LINGO2: variants seen among roughly 807,000 people sequenced by gnomAD.
LINGO2 encodes leucine rich repeat and Ig domain containing 2.
LINGO2 carries 14 observed loss-of-function variants against 30.6 expected under a neutral mutation model. The observed-to-expected ratio is 0.46, with a 90% CI of 0.30 to 0.72. The LOEUF (loss-of-function observed/expected upper bound fraction) is 0.72. Among genes scored for constraint, LINGO2 ranks in the 30% least tolerant of loss-of-function variants. The pLI is 0.07. For missense variants in LINGO2, 729 were observed against 751.7 expected (o/e 0.97, Z 0.35); for synonymous variants, 317 against 288.5 (o/e 1.10, Z -1.00).
chr9:29,090,848 T>C, the LINGO2 span, among the ~76,000 whole-genome samples: 1 of 152,008 alleles, frequency 6.6e-6, no homozygotes, highest in Non-Finnish European at 1.5e-5. Context: ...ATATCAACAT[T>C]TTCTATTATG....
At chr9:28,898,408 T>C in the LINGO2 span, among the ~76,000 whole-genome samples, 1 of 152,126 alleles carries the variant, frequency 6.6e-6, no homozygotes, top group Non-Finnish European at 1.5e-5. Context: ...ACTCAGAATT[T>C]AAATTTGACA....
the LINGO2 span, among the ~76,000 whole-genome samples, chr9:29,142,133 C>T: frequency 7.2e-5 from 11 of 151,782 alleles, no homozygotes; most frequent in Admixed American, 3.9e-4. Flanking sequence ...GGAACATTCT[C>T]CAGGATAAAT....
intron 4 of LINGO2, among the ~76,000 whole-genome samples, chr9:28,065,840 T>C (rs1209723676): frequency 2.0e-5 from 3 of 152,080 alleles, no homozygotes; most frequent in African/African-American, 4.8e-5. Flanking sequence ...GCATTGGTGA[T>C]AACAAAGAAA....
At chr9:28,802,797 T>C in the LINGO2 span, among the ~76,000 whole-genome samples, 1 of 152,078 alleles carries the variant, frequency 6.6e-6, no homozygotes. Context: ...TTGTATCTCC[T>C]CTTCTTTCAA....
the LINGO2 span, among the ~76,000 whole-genome samples, chr9:28,731,233 C>T: frequency 6.6e-6 from 1 of 152,108 alleles, no homozygotes; most frequent in Non-Finnish European, 1.5e-5. Flanking sequence ...AGGCGATCCA[C>T]CCGCCTCGGC....
intron 1 of LINGO2, among the ~76,000 whole-genome samples, chr9:28,484,925 A>G (rs1826113969): frequency 6.6e-6 from 1 of 152,058 alleles, no homozygotes; most frequent in Non-Finnish European, 1.5e-5. Context: ...GAACTCTTAG[A>G]GAGGGATGGA....
intron 4 of LINGO2, among the ~76,000 whole-genome samples, chr9:28,218,173 AGTATCAAATATCAAAT>A (rs1307070224): frequency 1.3e-5 from 2 of 149,792 alleles, no homozygotes; most frequent in Non-Finnish European, 3.0e-5. Flanking sequence ...TACTAAATAT[AGTATCAAATATCAAAT>A]GTATCAAATA....
rs546882199 is a variant in LINGO2, at chr9:28,101,860, G to A, written c.-86-89455C>T. On this transcript the variant is annotated intron_variant, in intron 4 of 5. Transcript: ENST00000379992. ...GAAGAGAAAGAGTTTATGAAAAGTC[G>A]GGAAGTCAAGAACAGTCAACCTTGA... Among the ~76,000 whole-genome samples the A allele has an allele frequency of 1.6e-4, 25 of 152,186 alleles. No individual in the cohort carries two copies. In the South Asian group the frequency reaches 4.2e-3, roughly 25 times the overall value.
chr9:28,959,618 A>T, the LINGO2 span, among the ~76,000 whole-genome samples: 33 of 129,526 alleles, frequency 2.5e-4, no homozygotes, highest in South Asian at 9.4e-4. Context: ...TCCCTCACAC[A>T]CACACACACA....
At chr9:28,864,283 TC>T in the LINGO2 span, among the ~76,000 whole-genome samples, 1 of 152,114 alleles carries the variant, frequency 6.6e-6, no homozygotes, top group African/African-American at 2.4e-5. Flanking sequence ...GAGTGTTTTT[TC>T]CTCTGATATT....
chr9:28,105,025 G>A (rs1826542300), intron 4 of LINGO2, among the ~76,000 whole-genome samples: 1 of 151,968 alleles, frequency 6.6e-6, no homozygotes, highest in Non-Finnish European at 1.5e-5. Context: ...TGAAGAACGG[G>A]GACCAAGAAT....
intron 3 of LINGO2, among the ~76,000 whole-genome samples, chr9:28,370,498 T>C (rs574823027): frequency 3.6e-4 from 55 of 152,218 alleles, no homozygotes; most frequent in Non-Finnish European, 1.2e-4. Context: ...ATTGATAAGG[T>C]TTAGAATAAT....
chr9:28,196,335 T>G (rs1044603290), intron 4 of LINGO2, among the ~76,000 whole-genome samples: 1 of 151,788 alleles, frequency 6.6e-6, no homozygotes, highest in Non-Finnish European at 1.5e-5. Context: ...TCCAGACCTA[T>G]GTTTATATTC....
At chr9:28,753,234 C>G in the LINGO2 span, among the ~76,000 whole-genome samples, 2 of 152,056 alleles carry the variant, frequency 1.3e-5, no homozygotes, top group Admixed American at 6.6e-5. Flanking sequence ...TGTCCTTGAT[C>G]TAGAGCTGCA....
chr9:29,028,443 A>C, the LINGO2 span, among the ~76,000 whole-genome samples: 1 of 149,776 alleles, frequency 6.7e-6, no homozygotes, highest in Non-Finnish European at 1.5e-5. Context: ...AGAGAGAGAG[A>C]GAGACACAGA....
At chr9:28,584,752 A>G (rs1261050552) in intron 1 of LINGO2, among the ~76,000 whole-genome samples, 3 of 152,058 alleles carry the variant, frequency 2.0e-5, no homozygotes, top group Non-Finnish European at 4.4e-5. Context: ...CATCATTTAT[A>G]CTGTTGAAGA....
At chr9:28,350,316 C>A (rs1259654156) in intron 3 of LINGO2, among the ~76,000 whole-genome samples, 1,427 of 140,632 alleles carry the variant, frequency 0.01, 27 homozygotes, top group African/African-American at 0.036. Flanking sequence ...TCTACCAAGC[C>A]AATGGAAAAC....
the LINGO2 span, among the ~76,000 whole-genome samples, chr9:28,828,498 G>A: frequency 1.3e-5 from 2 of 151,968 alleles, no homozygotes; most frequent in Non-Finnish European, 2.9e-5. Flanking sequence ...ATTAGTTACA[G>A]TCACAAATCC....
chr9:29,127,006 A>C, the LINGO2 span, among the ~76,000 whole-genome samples: 2 of 152,028 alleles, frequency 1.3e-5, no homozygotes, highest in Non-Finnish European at 2.9e-5. Context: ...CCTAGCCTAC[A>C]TTTGCATAGA....
Sources: gnomAD v4.1 joint callset for allele counts (sites outside exome capture counted in the v4.1 genomes callset) on GRCh38, gnomAD v4.1.1 for gene constraint, MANE v1.5 for transcripts, NCBI Gene and HGNC (gene_info 2026-07-23, HGNC 2026-07-21) for gene names.